The following MARCHF1 variants were observed in gnomAD, a reference collection of about 807,000 sequenced individuals.
The protein encoded by MARCHF1 is membrane associated ring-CH-type finger 1.
A neutral mutation model predicts 54.2 loss-of-function variants in MARCHF1; 40 were observed. The observed-to-expected ratio is 0.74, with a 90% CI of 0.57 to 0.96. MARCHF1 has a LOEUF of 0.96. Ranked by LOEUF, MARCHF1 falls within the 40% of genes least tolerant of loss-of-function variation. The pLI, the probability that MARCHF1 is intolerant of heterozygous loss-of-function variation, is 0.00. For synonymous variants in MARCHF1, 236 were observed against 236.3 expected (o/e 1.00, Z 0.01); for missense variants, 586 against 656.5 (o/e 0.89, Z 1.17).
chr4:163,595,450 G>A (rs1029598117), intron 7 of MARCHF1, among the ~76,000 whole-genome samples: 1 of 136,848 alleles, frequency 7.3e-6, no homozygotes, highest in Non-Finnish European at 1.7e-5. Flanking sequence ...CCGAGAGATT[G>A]CAGTTGCAGT....
intron 3 of MARCHF1, among the ~76,000 whole-genome samples, chr4:163,944,353 T>C (rs985640932): frequency 1.3e-5 from 2 of 152,162 alleles, no homozygotes; most frequent in African/African-American, 4.8e-5. Flanking sequence ...AGACTCTAGC[T>C]GTTACCTCCT....
intron 1 of MARCHF1, among the ~76,000 whole-genome samples, chr4:164,301,594 G>A (rs1006450545): frequency 2.6e-5 from 4 of 152,164 alleles, no homozygotes; most frequent in Non-Finnish European, 5.9e-5. Flanking sequence ...AACCTTGGGA[G>A]TGGGCAAAAT....
chr4:163,663,037 T>C (rs1464405605), intron 5 of MARCHF1, among the ~76,000 whole-genome samples: 11 of 151,998 alleles, frequency 7.2e-5, no homozygotes, highest in Non-Finnish European at 1.5e-4. Context: ...ACAATACAAA[T>C]TTAACCTTCT....
intron 4 of MARCHF1, among the ~76,000 whole-genome samples, chr4:163,835,665 C>T (rs1749160399): frequency 1.3e-5 from 2 of 152,140 alleles, no homozygotes; most frequent in Admixed American, 1.3e-4. Context: ...ACTCTGGCTC[C>T]GGAGGCTGCC....
intron 8 of MARCHF1, among the ~76,000 whole-genome samples, chr4:163,570,064 T>TTA (rs1248131787): frequency 6.6e-6 from 1 of 152,136 alleles, no homozygotes; most frequent in Non-Finnish European, 1.5e-5. Flanking sequence ...AGCAAGGTCT[T>TTA]TATAGATAAT....
In MARCHF1 at chr4:163,932,809, T is replaced by C. The variant is rs145245737; in HGVS notation, c.-39+55692A>G. 2.1e-4 allele frequency: 129 copies of C among 615,496 alleles called. 1 individual carries two copies. In the East Asian group the frequency reaches 5.2e-3, roughly 25 times the overall value. The allele number at this position is 615,496 out of a possible 1,614,324, so 38.1% of individuals were successfully genotyped here. On this transcript the variant is annotated intron_variant, in intron 3 of 9. Transcript: ENST00000514618. ...CTGAGATCGATCGGCACCATGGTCCTGGAATTGTTGGATAAATATTTAACA... is the reference window on the plus strand; with the variant it reads ...CTGAGATCGATCGGCACCATGGTCCCGGAATTGTTGGATAAATATTTAACA...
At chr4:164,330,195 AC>A (rs1735395969) in intron 1 of MARCHF1, 1 of 151,754 alleles carries the variant, frequency 6.6e-6, no homozygotes, top group Non-Finnish European at 1.5e-5. Flanking sequence ...AAAAACAAAA[AC>A]AAAAGAAAAG....
chr4:164,255,418 CA>C (rs796888427), intron 1 of MARCHF1, among the ~76,000 whole-genome samples: 34 of 131,518 alleles, frequency 2.6e-4, no homozygotes, highest in Admixed American at 5.2e-4. Context: ...AATGAACAAA[CA>C]AAAAAAAAAG....
At chr4:164,051,433 G>C (rs1009412951) in intron 2 of MARCHF1, among the ~76,000 whole-genome samples, 4 of 152,028 alleles carry the variant, frequency 2.6e-5, no homozygotes, top group Non-Finnish European at 5.9e-5. Flanking sequence ...TATATGTTCA[G>C]GTAGCAAATA....
At chr4:163,913,980 CG>C (rs1300506035) in intron 3 of MARCHF1, among the ~76,000 whole-genome samples, 1 of 102,918 alleles carries the variant, frequency 9.7e-6, no homozygotes, top group African/African-American at 3.3e-5. Context: ...TGTGACAGCA[CG>C]GGGATCTCTA....
chr4:164,004,498 AC>A (rs1250043772), intron 2 of MARCHF1, among the ~76,000 whole-genome samples: 6 of 152,090 alleles, frequency 3.9e-5, no homozygotes, highest in Non-Finnish European at 8.8e-5. Flanking sequence ...ATAACCTATA[AC>A]AACACTGTCA....
At chr4:164,275,296 C>T (rs77357294) in intron 1 of MARCHF1, among the ~76,000 whole-genome samples, 6,907 of 152,134 alleles carry the variant, frequency 0.045, 204 homozygotes, top group East Asian at 0.11. Context: ...TCCTCGTCTG[C>T]GGCCATTGTG....
chr4:164,329,130 A>G (rs939928101), intron 1 of MARCHF1, among the ~76,000 whole-genome samples: 7 of 152,230 alleles, frequency 4.6e-5, no homozygotes, highest in Non-Finnish European at 1.0e-4. Context: ...TCCTTGGAAG[A>G]AGATTAAAAA....
At chr4:164,293,206 A>C (rs1734326038) in intron 1 of MARCHF1, among the ~76,000 whole-genome samples, 1 of 152,180 alleles carries the variant, frequency 6.6e-6, no homozygotes, top group Non-Finnish European at 1.5e-5. Flanking sequence ...AGCAAACTGC[A>C]ACCTAACTTA....
At chr4:164,060,133 A>T (rs951997284) in intron 2 of MARCHF1, among the ~76,000 whole-genome samples, 1 of 152,086 alleles carries the variant, frequency 6.6e-6, no homozygotes, top group African/African-American at 2.4e-5. Context: ...TGTTTTGTAC[A>T]AGCAAATGAC....
intron 4 of MARCHF1, among the ~76,000 whole-genome samples, chr4:163,814,675 G>A (rs1699821564): frequency 6.6e-6 from 1 of 152,178 alleles, no homozygotes; most frequent in African/African-American, 2.4e-5. Flanking sequence ...AATTGAGATG[G>A]ACTAAAAGGC....
intron 1 of MARCHF1, among the ~76,000 whole-genome samples, chr4:164,141,945 C>CACAGGTCAGTGGGTGGGT (rs1756548971): frequency 1.3e-5 from 2 of 152,012 alleles, no homozygotes; most frequent in African/African-American, 4.8e-5. Context: ...AGACAGTGGG[C>CACAGGTCAGTGGGTGGGT]GCAGGTCAGT....
intron 1 of MARCHF1, among the ~76,000 whole-genome samples, chr4:164,156,769 A>G (rs985675): frequency 0.19 from 29,012 of 151,990 alleles, 4,411 homozygotes; most frequent in African/African-American, 0.41. Context: ...AATGTCACAT[A>G]TATCCCATCC....
At chr4:163,539,167 T>C (rs1738637801) in intron 9 of MARCHF1, among the ~76,000 whole-genome samples, 1 of 152,036 alleles carries the variant, frequency 6.6e-6, no homozygotes, top group African/African-American at 2.4e-5. Context: ...ACTACAGGCA[T>C]GCACCACCAT....
Sources: allele counts gnomAD v4.1 joint callset (sites outside exome capture counted in the v4.1 genomes callset), GRCh38; gene constraint gnomAD v4.1.1; transcripts MANE v1.5; gene names NCBI Gene and HGNC (gene_info 2026-07-23, HGNC 2026-07-21).